The following PUM2 variants were observed in gnomAD, a reference collection of about 807,000 sequenced individuals.
PUM2 encodes the protein pumilio RNA binding family member 2, also known as pumilio homolog 2.
In PUM2, 57 loss-of-function variants were observed where a neutral mutation model predicts 124.5. The ratio of observed to expected loss-of-function variants is 0.46; its 90% CI spans 0.37 to 0.57. PUM2 has a LOEUF of 0.57. Ranked by LOEUF, PUM2 falls within the 20% of genes least tolerant of loss-of-function variation. The probability of loss-of-function intolerance (pLI) is 0.00; values close to 1 mark genes in which losing one functional copy is unlikely to be tolerated. For missense variants in PUM2, 1,065 were observed against 1,290.6 expected (o/e 0.83, Z 2.68); for synonymous variants, 460 against 446.1 (o/e 1.03, Z -0.39).
intron 1 of PUM2, chr2:20,333,043 T>C (rs1228939836): frequency 6.6e-6 from 1 of 152,144 alleles, no homozygotes; most frequent in Middle Eastern, 3.2e-3. Flanking sequence ...AAAAAGTCAT[T>C]TTTGAGGTTA....
intron 3 of PUM2, among the ~76,000 whole-genome samples, chr2:20,316,429 T>A (rs1469501611): frequency 1.3e-5 from 2 of 152,172 alleles, no homozygotes; most frequent in East Asian, 3.9e-4. Context: ...ACTGGCTAAT[T>A]ATCATCCAAA....
intron 1 of PUM2, among the ~76,000 whole-genome samples, chr2:20,343,630 G>A (rs560155607): frequency 8.5e-5 from 13 of 152,236 alleles, no homozygotes; most frequent in African/African-American, 2.9e-4. Flanking sequence ...TGTTGGGCAT[G>A]GTGGCTTGGA....
At chr2:20,308,144 C>T in intron 6 of PUM2, 73 bp from the exon 7 acceptor site, 1 of 1,525,154 alleles carries the variant, frequency 6.6e-7, no homozygotes, top group Non-Finnish European at 8.9e-7. Flanking sequence ...CTGAATAAAA[C>T]ATTTTAAACA....
At chr2:20,272,969 A>C (rs1281762426) in intron 13 of PUM2, among the ~76,000 whole-genome samples, 2 of 152,212 alleles carry the variant, frequency 1.3e-5, no homozygotes, top group Admixed American at 1.3e-4. Flanking sequence ...TCTAAGAGAT[A>C]TATGCTACTT....
chr2:20,291,256 T>C (rs1346989449), intron 9 of PUM2, among the ~76,000 whole-genome samples: 1 of 152,144 alleles, frequency 6.6e-6, no homozygotes, highest in Non-Finnish European at 1.5e-5. Flanking sequence ...AAAGAATGAA[T>C]GGTAAACTCA....
intron 13 of PUM2, among the ~76,000 whole-genome samples, chr2:20,266,462 A>AAACAAC (rs201788291): frequency 6.6e-6 from 1 of 151,560 alleles, no homozygotes. Context: ...AAACAAAACA[A>AAACAAC]AACAACAACA....
chr2:20,350,898 G>A (rs954899242), upstream of PUM2: 103 of 598,896 alleles, frequency 1.7e-4, no homozygotes, highest in Non-Finnish European at 2.0e-4. Context: ...GGGAGGGGGA[G>A]CGCTCACCAA....
At chr2:20,260,798 T>G (rs1445046130) in intron 14 of PUM2, among the ~76,000 whole-genome samples, 1 of 152,136 alleles carries the variant, frequency 6.6e-6, no homozygotes, top group Non-Finnish European at 1.5e-5. Flanking sequence ...ACATCTAACT[T>G]TTAGAACATA....
chr2:20,294,604 G>C, intron 8 of PUM2, 86 bp from the exon 9 acceptor site: 1 of 1,400,664 alleles, frequency 7.1e-7, no homozygotes, highest in South Asian at 1.5e-5. Context: ...GATTATAAAA[G>C]GGGGCAGGAA....
chr2:20,252,817 T>C (rs1407175330), intron 20 of PUM2, among the ~76,000 whole-genome samples: 1 of 152,204 alleles, frequency 6.6e-6, no homozygotes, highest in Non-Finnish European at 1.5e-5. Flanking sequence ...TTATGGTAAA[T>C]TAAATGTAGT....
intron 7 of PUM2, among the ~76,000 whole-genome samples, chr2:20,306,603 AC>A (rs1277791756): frequency 9.2e-4 from 130 of 142,038 alleles, no homozygotes; most frequent in African/African-American, 3.3e-3. Flanking sequence ...ATAAATGTGG[AC>A]TTTTTTTTTT....
chr2:20,312,844 C>A (rs980321597), intron 3 of PUM2, among the ~76,000 whole-genome samples: 10 of 152,280 alleles, frequency 6.6e-5, no homozygotes, highest in Admixed American at 5.9e-4. Flanking sequence ...GTAACCAAGA[C>A]AGCATGGTAC....
At position 20,257,545 on chromosome 2, in the gene PUM2, G is replaced by A. The variant is rs150612568; in HGVS notation, c.2484+698C>T. ...GCTATAAATTTCTTATTAAAAGTCT[G>A]TTTAATCTTCTATACAATAACCCCA... On this transcript the variant is annotated intron_variant, in intron 16 of 20. Coordinates refer to ENST00000361078, the MANE Select transcript of PUM2 (RefSeq NM_015317.5). 7.9e-5 allele frequency among the ~76,000 whole-genome samples: 12 copies of A among 152,164 alleles called. 1 individual carries two copies. The highest frequency in any genetic ancestry group is 2.4e-4 in the African/African-American group (10 of 41,538).
chr2:20,288,047 A>C (rs1673126668), intron 10 of PUM2, among the ~76,000 whole-genome samples: 1 of 152,234 alleles, frequency 6.6e-6, no homozygotes, highest in South Asian at 2.1e-4. Flanking sequence ...GATTAATGCA[A>C]ATATACTCTC....
At chr2:20,317,822 G>T (rs1377754275) in intron 3 of PUM2, among the ~76,000 whole-genome samples, 1 of 152,052 alleles carries the variant, frequency 6.6e-6, no homozygotes, top group Admixed American at 6.6e-5. Flanking sequence ...TTCGCTAAAG[G>T]TAATGGTCTC....
At chr2:20,338,803 A>G (rs1686644756) in intron 1 of PUM2, among the ~76,000 whole-genome samples, 1 of 152,228 alleles carries the variant, frequency 6.6e-6, no homozygotes, top group African/African-American at 2.4e-5. Flanking sequence ...CTATGCTCCT[A>G]TCATCCTAGT....
At chr2:20,340,694 T>C (rs533472917) in intron 1 of PUM2, among the ~76,000 whole-genome samples, 16 of 152,256 alleles carry the variant, frequency 1.1e-4, no homozygotes, top group Admixed American at 4.6e-4. Context: ...GCAGATAGGG[T>C]TGAAACACTC....
At chr2:20,286,516 T>C (rs560220181) in intron 10 of PUM2, among the ~76,000 whole-genome samples, 27 of 152,358 alleles carry the variant, frequency 1.8e-4, no homozygotes, top group Admixed American at 7.2e-4. Flanking sequence ...TTTCCTGTTA[T>C]TGGTTATTTA....
chr2:20,328,900 G>A (rs184890604), intron 1 of PUM2, among the ~76,000 whole-genome samples: 33 of 152,268 alleles, frequency 2.2e-4, no homozygotes, highest in Middle Eastern at 3.4e-3. Flanking sequence ...ATTTGGGTGC[G>A]GTGGCTCATG....
Sources: gnomAD v4.1 joint callset for allele counts (sites outside exome capture counted in the v4.1 genomes callset) on GRCh38, gnomAD v4.1.1 for gene constraint, MANE v1.5 for transcripts, NCBI Gene and HGNC (gene_info 2026-07-23, HGNC 2026-07-21) for gene names.